PTPRZ1: variants seen among roughly 807,000 people sequenced by gnomAD.
PTPRZ1 encodes the protein protein tyrosine phosphatase receptor type Z1.
Under a neutral mutation model 214.1 loss-of-function variants are expected in PTPRZ1, and 82 were observed. The ratio of observed to expected loss-of-function variants is 0.38; its 90% CI spans 0.32 to 0.46. PTPRZ1 has a LOEUF of 0.46. PTPRZ1 is among the 20% of genes least tolerant of loss of function. The pLI is 1.00. For missense variants in PTPRZ1, 2,603 were observed against 2,748.7 expected (o/e 0.95, Z 1.19); for synonymous variants, 945 against 987.9 (o/e 0.96, Z 0.81).
chr7:122,023,112 A>G (rs1214832296), intron 13 of PTPRZ1, among the ~76,000 whole-genome samples: 1 of 152,198 alleles, frequency 6.6e-6, no homozygotes, highest in Non-Finnish European at 1.5e-5. Context: ...AAATTCTTAG[A>G]AGAAAATATT....
Position 122,040,977 on chromosome 7 carries a change from C to A in PTPRZ1, c.5799C>A (p.Cys1933Ter). 1 of 1,541,880 alleles carries A rather than the reference C, an allele frequency of 6.5e-7. No individual in the cohort carries two copies. The highest frequency in any genetic ancestry group is 1.2e-5 in the South Asian group (1 of 82,720). ...CAGTGGGGCCTGTTGTCGTCCACTGCAGGTGAGTCTCAGAGATGTGCCTCT... is the reference window on the plus strand; with the variant it reads ...CAGTGGGGCCTGTTGTCGTCCACTGAAGGTGAGTCTCAGAGATGTGCCTCT... ...RHAVGPVVVHCSAGVGRTGTY... is the reference protein window; with the variant it reads ...RHAVGPVVVH Residue 1933 changes from cysteine (C) to a stop codon, truncating the protein, a stop_gained and splice_region_variant, in exon 21 of 30, where the codon TGC (cysteine) becomes TGA (stop). Coordinates refer to ENST00000393386, the MANE Select transcript of PTPRZ1 (RefSeq NM_002851.3). LOFTEE classifies it high-confidence loss of function.
At chr7:122,048,888 T>C (rs1046227346) in intron 23 of PTPRZ1, among the ~76,000 whole-genome samples, 2 of 152,068 alleles carry the variant, frequency 1.3e-5, no homozygotes, top group Admixed American at 1.3e-4. Flanking sequence ...TGGACAAATA[T>C]AACTTTGATA....
chr7:122,023,065 A>G (rs1799066498), intron 13 of PTPRZ1, among the ~76,000 whole-genome samples: 1 of 152,154 alleles, frequency 6.6e-6, no homozygotes, highest in African/African-American at 2.4e-5. Context: ...ACAAAAATGA[A>G]CTCATAGGGA....
chr7:121,943,292 A>C (rs1255784126), intron 2 of PTPRZ1, among the ~76,000 whole-genome samples: 1 of 152,188 alleles, frequency 6.6e-6, no homozygotes, highest in Admixed American at 6.5e-5. Flanking sequence ...CAAATGAGCA[A>C]TCACAATGAT....
chr7:122,042,275 C>T (rs1267860875), intron 21 of PTPRZ1, among the ~76,000 whole-genome samples: 1 of 152,068 alleles, frequency 6.6e-6, no homozygotes, highest in African/African-American at 2.4e-5. Flanking sequence ...TGTCTATTTG[C>T]CACACTCTGA....
chr7:121,983,553 C>T, intron 6 of PTPRZ1, 112 bp from the exon 7 acceptor site: 1 of 1,065,912 alleles, frequency 9.4e-7, no homozygotes, highest in Non-Finnish European at 1.3e-6. Context: ...GTTTCAAAAT[C>T]TCAGTTTTGA....
Position 122,055,123 on chromosome 7 carries a change from T to C in PTPRZ1, c.6528+36T>C, listed in dbSNP as rs369466704. 8.3e-6 allele frequency: 12 copies of C among 1,446,776 alleles called. No homozygotes were observed. The African/African-American group carries it at 1.7e-4, about 21-fold the overall frequency. The allele number at this position is 1,446,776 out of a possible 1,614,324, so 89.6% of individuals were successfully genotyped here. ...AAGTTAAATGACAAACTTTTTATCT[T>C]AAACACATGTTAAACATATTCTGAC... is the stretch of plus-strand genomic sequence containing the variant. On this transcript the variant is annotated intron_variant, in intron 27 of 29. Transcript: ENST00000393386.
At chr7:122,032,227 A>T (rs1799401002) in intron 15 of PTPRZ1, 1 of 152,190 alleles carries the variant, frequency 6.6e-6, no homozygotes, top group Admixed American at 6.6e-5. Context: ...CACAAAAAAT[A>T]AAAGCTACCC....
intron 1 of PTPRZ1, among the ~76,000 whole-genome samples, chr7:121,917,788 C>A (rs568940682): frequency 6.6e-6 from 1 of 151,970 alleles, no homozygotes; most frequent in South Asian, 2.1e-4. Flanking sequence ...AGATTCCGAT[C>A]TTAAAAATAA....
rs769336486 is a variant in PTPRZ1 at position 122,042,565 on chromosome 7, T to C, written c.5802-43T>C. On this transcript the variant is annotated intron_variant, in intron 21 of 29. Transcript: ENST00000393386. Reference sequence around the variant, plus strand: ...AGTGATCTATTTTTCAAATTTATTTTATGCTTAACATTGAAATATTTATTT... The same window carrying C: ...AGTGATCTATTTTTCAAATTTATTTCATGCTTAACATTGAAATATTTATTT... The C allele has an allele frequency of 6.3e-5, 97 of 1,536,564 alleles. No homozygotes were observed. In the South Asian group the frequency reaches 8.3e-4, roughly 13 times the overall value.
At chr7:122,044,380 G>A in intron 22 of PTPRZ1, 42 bp from the exon 23 acceptor site, 2 of 1,610,676 alleles carry the variant, frequency 1.2e-6, no homozygotes, top group Non-Finnish European at 1.7e-6. Context: ...TACATATGAG[G>A]AAAACTTGAA....
At chr7:121,997,789 C>T (rs1350171147) in intron 9 of PTPRZ1, 91 bp from the exon 10 acceptor site, 1 of 1,101,150 alleles carries the variant, frequency 9.1e-7, no homozygotes, top group African/African-American at 1.6e-5. Flanking sequence ...TTCCACGGAC[C>T]AGGGAGAAAA....
intron 29 of PTPRZ1, 124 bp from the exon 30 acceptor site, chr7:122,060,956 G>T: frequency 1.2e-6 from 1 of 831,684 alleles, no homozygotes; most frequent in Non-Finnish European, 1.7e-6. Context: ...GAGTATAACA[G>T]TGCCCTTAAC....
chr7:121,918,346 A>G (rs778717346), intron 1 of PTPRZ1, among the ~76,000 whole-genome samples: 6 of 152,200 alleles, frequency 3.9e-5, no homozygotes, highest in South Asian at 4.1e-4. Context: ...TACCCACAAA[A>G]TGCAGACCCA....
chr7:122,036,144 C>T (rs563139610), intron 17 of PTPRZ1, among the ~76,000 whole-genome samples: 14 of 152,300 alleles, frequency 9.2e-5, no homozygotes, highest in African/African-American at 3.4e-4. Context: ...CTTCCTTCAT[C>T]AGCCTCCTGT....
At chr7:121,998,068 A>T (rs1798201033) in intron 10 of PTPRZ1, 62 bp downstream of exon 10, 1 of 1,489,622 alleles carries the variant, frequency 6.7e-7, no homozygotes, top group Non-Finnish European at 9.1e-7. Context: ...TAATTACTGT[A>T]TGCATTGATG....
intron 1 of PTPRZ1, among the ~76,000 whole-genome samples, chr7:121,895,527 C>A (rs917823647): frequency 1.3e-5 from 2 of 152,008 alleles, no homozygotes; most frequent in Non-Finnish European, 2.9e-5. Flanking sequence ...ATGTGAACTA[C>A]AGGAGAAAGT....
Position 122,012,676 on chromosome 7 carries a change from A to T in PTPRZ1, c.3630A>T (p.Glu1210Asp), listed in dbSNP as rs897257437. 3 of 1,612,664 alleles carry T rather than the reference A, an allele frequency of 1.9e-6. No individual in the cohort carries two copies. Among genetic ancestry groups the T allele is most frequent in the Non-Finnish European group, 2.5e-6 (3 of 1,178,790 alleles). Reference sequence around the variant, plus strand: ...TGCCCAGTGATCCAATATTGGTTGAAACCCCCAAAGTTGATAAAATTAGTT... The same window carrying T: ...TGCCCAGTGATCCAATATTGGTTGATACCCCCAAAGTTGATAAAATTAGTT... The part of the protein sequence containing the change: ...PAVPSDPILV[E>D]TPKVDKISST... Residue 1210 changes from glutamate to aspartate, a missense_variant, in exon 12 of 30, where the codon GAA becomes GAT. By Grantham distance (45) the Glu-to-Asp change is conservative (BLOSUM62 2). Transcript: ENST00000393386.
chr7:122,014,718 G>A (rs957709567), intron 12 of PTPRZ1, among the ~76,000 whole-genome samples: 36 of 152,128 alleles, frequency 2.4e-4, no homozygotes, highest in Non-Finnish European at 2.4e-4. Flanking sequence ...GATTACAGGC[G>A]TGAGCCACTG....
Sources: gnomAD v4.1 joint callset for allele counts (sites outside exome capture counted in the v4.1 genomes callset) on GRCh38, gnomAD v4.1.1 for gene constraint, MANE v1.5 for transcripts, NCBI Gene and HGNC (gene_info 2026-07-23, HGNC 2026-07-21) for gene names.